The following IGF2BP3 variants were observed in gnomAD, a reference collection of about 807,000 sequenced individuals.
IGF2BP3 encodes the protein insulin like growth factor 2 mRNA binding protein 3, also known as insulin-like growth factor 2 mRNA-binding protein 3.
Under a neutral mutation model 73.8 loss-of-function variants are expected in IGF2BP3, and 9 were observed. The ratio of observed to expected loss-of-function variants is 0.12; its 90% CI spans 0.07 to 0.21. The LOEUF (loss-of-function observed/expected upper bound fraction) is 0.21. Ranked by LOEUF, IGF2BP3 falls within the 10% of genes least tolerant of loss-of-function variation. The pLI, the probability that IGF2BP3 is intolerant of heterozygous loss-of-function variation, is 1.00. For missense variants in IGF2BP3, 542 were observed against 714.0 expected, an observed-to-expected ratio of 0.76 and a Z score of 2.75; for synonymous variants, 258 against 256.7, an observed-to-expected ratio of 1.01 and a Z score of -0.05.
At chr7:23,430,383 T>G (rs1787641694) in intron 2 of IGF2BP3, among the ~76,000 whole-genome samples, 1 of 152,212 alleles carries the variant, frequency 6.6e-6, no homozygotes. Flanking sequence ...TTATTTCTTA[T>G]GCAAAAAAAC....
intron 10 of IGF2BP3, among the ~76,000 whole-genome samples, chr7:23,328,410 A>T (rs1303607829): frequency 6.6e-6 from 1 of 152,100 alleles, no homozygotes; most frequent in East Asian, 1.9e-4. Context: ...GTTTCACCAT[A>T]CTGGTCAGGC....
intron 11 of IGF2BP3, chr7:23,317,930 C>T (rs957923438): frequency 1.8e-6 from 1 of 555,310 alleles, no homozygotes; most frequent in Non-Finnish European, 3.3e-6. Context: ...CTAATGGAGA[C>T]CTCCACGTGC....
rs757262028 is a variant in IGF2BP3, at chr7:23,336,670, G to A, written c.1203+5394C>T. Among the ~76,000 whole-genome samples, 16 of 152,174 alleles carry A rather than the reference G, an allele frequency of 1.1e-4. No individual in the cohort carries two copies. The East Asian group carries it at 1.7e-3, about 17-fold the overall frequency. ...CATTTTTCTTGCTAAAGAATAGGCC[G>A]GCTGCAGTGGCTCACGTCTGTAATC... is the stretch of plus-strand genomic sequence containing the variant. On this transcript the variant is annotated intron_variant, in intron 10 of 14. Coordinates refer to ENST00000258729, the MANE Select transcript of IGF2BP3 (RefSeq NM_006547.3).
chr7:23,356,048 A>C (rs1785089604), intron 5 of IGF2BP3, among the ~76,000 whole-genome samples: 1 of 152,172 alleles, frequency 6.6e-6, no homozygotes, highest in South Asian at 2.1e-4. Context: ...GAAAGAAAAA[A>C]GGAGAAGAAA....
Position 23,469,950 on chromosome 7 carries a change from A to G in IGF2BP3, c.161T>C (p.Ile54Thr), listed in dbSNP as rs1289316910. 1.9e-6 allele frequency: 3 copies of G among 1,610,046 alleles called. No individual in the cohort carries two copies. Among genetic ancestry groups the G allele is most frequent in the Non-Finnish European group, 2.5e-6 (3 of 1,178,864 alleles). ...CCCGGGCCCACCTGAAAGCGCCTCG[A>G]TGGCCTTGAGGGCCCAGCTCTCGTC... ...CPDESWALKA[I>T]EALSGKIELH... Residue 54 changes from isoleucine (I) to threonine (T), a missense_variant, in exon 1 of 15, where the codon ATC becomes ACC. Ile to Thr is a moderately conservative substitution (Grantham distance 89, BLOSUM62 -1). Transcript: ENST00000258729. The surrounding 1 kb of genome is among the most constrained non-coding windows in gnomAD (Gnocchi z 6.1).
rs184061581 is a variant in IGF2BP3, at chr7:23,331,698, G to A, written c.1203+10366C>T. On this transcript the variant is annotated intron_variant, in intron 10 of 14. Coordinates refer to ENST00000258729, the MANE Select transcript of IGF2BP3 (RefSeq NM_006547.3). ...AACATGGTGAAACCCCGTCTCTACT[G>A]AAAATACAAAAATTAGCTGGGCGTG... 5.3e-3 allele frequency among the ~76,000 whole-genome samples: 810 copies of A among 151,718 alleles called. 4 individuals carry two copies. Among genetic ancestry groups the A allele is most frequent in the Non-Finnish European group, 8.1e-3 (549 of 67,842 alleles).
At chr7:23,446,506 G>A (rs144448042) in intron 2 of IGF2BP3, among the ~76,000 whole-genome samples, 2,276 of 152,172 alleles carry the variant, frequency 0.015, 59 homozygotes, top group African/African-American at 0.052. Flanking sequence ...GCAGTGAGCC[G>A]AGATCGCACC....
Position 23,469,924 on chromosome 7 carries a change from G to T in IGF2BP3, c.175+12C>A. ...GGGGCGAGAGCCCGGGTGGGGCCAG[G>T]CCCGGGCCCACCTGAAAGCGCCTCG... is the stretch of plus-strand genomic sequence containing the variant. On this transcript the variant is annotated intron_variant, in intron 1 of 14. Coordinates refer to ENST00000258729, the MANE Select transcript of IGF2BP3 (RefSeq NM_006547.3). The surrounding 1 kb of genome is among the most constrained non-coding windows in gnomAD (Gnocchi z 6.1). 1 of 1,603,430 alleles carries T rather than the reference G, an allele frequency of 6.2e-7. No homozygotes were observed. Among genetic ancestry groups the T allele is most frequent in the Non-Finnish European group, 8.5e-7 (1 of 1,175,972 alleles).
At chr7:23,401,751 C>T (rs995076892) in intron 3 of IGF2BP3, among the ~76,000 whole-genome samples, 6 of 150,178 alleles carry the variant, frequency 4.0e-5, no homozygotes, top group South Asian at 2.1e-4. Flanking sequence ...GGTTACAGAA[C>T]GAGACTCGTC....
At chr7:23,398,376 T>A (rs573272256) in intron 3 of IGF2BP3, among the ~76,000 whole-genome samples, 1 of 152,320 alleles carries the variant, frequency 6.6e-6, no homozygotes, top group East Asian at 1.9e-4. Flanking sequence ...TAAACATATG[T>A]GTGCATGTGT....
Position 23,391,913 on chromosome 7 carries a change from G to A in IGF2BP3, c.285+26863C>T, listed in dbSNP as rs142315865. Among the ~76,000 whole-genome samples, 6 of 152,282 alleles carry A rather than the reference G, an allele frequency of 3.9e-5. No individual in the cohort carries two copies. In the East Asian group the frequency reaches 1.2e-3, roughly 29 times the overall value. On this transcript the variant is annotated intron_variant, in intron 3 of 14. Transcript: ENST00000258729. ...CTACTTTTAGGCCTTACTCTTCAAT[G>A]TATTTAGTTCAAGAAACAATAAGTA...
intron 2 of IGF2BP3, among the ~76,000 whole-genome samples, chr7:23,435,787 T>A (rs1787796489): frequency 6.6e-6 from 1 of 150,750 alleles, no homozygotes; most frequent in Non-Finnish European, 1.5e-5. Context: ...TGAGACAGTC[T>A]CGCTCTGCAG....
At chr7:23,372,572 G>A (rs1307435302) in intron 3 of IGF2BP3, among the ~76,000 whole-genome samples, 1 of 152,030 alleles carries the variant, frequency 6.6e-6, no homozygotes, top group Non-Finnish European at 1.5e-5. Context: ...GAGAGCATAC[G>A]ACGTTTGGTT....
chr7:23,431,140 T>G (rs185558825), intron 2 of IGF2BP3: 59 of 152,280 alleles, frequency 3.9e-4, no homozygotes, highest in African/African-American at 1.4e-3. Context: ...TTAACAGAAG[T>G]AAGGAAGAGA....
At chr7:23,453,973 C>T (rs1214228314) in intron 2 of IGF2BP3, among the ~76,000 whole-genome samples, 3 of 152,132 alleles carry the variant, frequency 2.0e-5, no homozygotes, top group East Asian at 3.8e-4. Context: ...ACTACAGGCA[C>T]GCACCACCAT....
intron 2 of IGF2BP3, among the ~76,000 whole-genome samples, chr7:23,447,227 T>C (rs1174902583): frequency 6.6e-6 from 1 of 151,868 alleles, no homozygotes; most frequent in Non-Finnish European, 1.5e-5. Context: ...CCTCACCTGA[T>C]GCTAACCATG....
intron 3 of IGF2BP3, among the ~76,000 whole-genome samples, chr7:23,410,695 T>C (rs1479921999): frequency 1.3e-5 from 2 of 152,200 alleles, no homozygotes; most frequent in South Asian, 2.1e-4. Context: ...TCATCACTCA[T>C]AACCATACAT....
In IGF2BP3 at chr7:23,434,986, C is replaced by T. The variant is rs78407190; in HGVS notation, c.237-16162G>A. On this transcript the variant is annotated intron_variant, in intron 2 of 14. Transcript: ENST00000258729. Reference sequence around the variant, plus strand: ...CCTTTTCTCACCTATGACATATTTGCCAATTAAACACAAAAATCCTGAAAA... The same window carrying T: ...CCTTTTCTCACCTATGACATATTTGTCAATTAAACACAAAAATCCTGAAAA... Among the ~76,000 whole-genome samples the T allele has an allele frequency of 3.5e-3, 534 of 152,062 alleles. 2 individuals carry two copies. Among genetic ancestry groups the T allele is most frequent in the African/African-American group, 0.01 (427 of 41,518 alleles).
At chr7:23,385,632 A>T (rs1786059513) in intron 3 of IGF2BP3, among the ~76,000 whole-genome samples, 1 of 152,210 alleles carries the variant, frequency 6.6e-6, no homozygotes, top group Non-Finnish European at 1.5e-5. Flanking sequence ...GAAGATAAAA[A>T]AAGGAATGGG....
Sources: allele counts gnomAD v4.1 joint callset (sites outside exome capture counted in the v4.1 genomes callset), GRCh38; gene constraint gnomAD v4.1.1; non-coding constraint Gnocchi (gnomAD v3.1); transcripts MANE v1.5; gene names NCBI Gene and HGNC (gene_info 2026-07-23, HGNC 2026-07-21).